RC3H2: variants seen among roughly 807,000 people sequenced by gnomAD.
RC3H2 encodes the protein roquin-2.
A neutral mutation model predicts 133.3 loss-of-function variants in RC3H2; 31 were observed. That is an observed-to-expected ratio of 0.23 (90% CI 0.17 to 0.31). The LOEUF (loss-of-function observed/expected upper bound fraction) is 0.31, where lower values mean the gene tolerates loss of function less well. RC3H2 is among the 10% of genes least tolerant of loss of function. RC3H2 has a pLI of 1.00. For missense variants in RC3H2, 1,175 were observed against 1,437.2 expected (o/e 0.82, Z 2.95); for synonymous variants, 517 against 502.2 (o/e 1.03, Z -0.40).
At chr9:122,890,736 A>G (rs369501993) in intron 3 of RC3H2, among the ~76,000 whole-genome samples, 191 bp from the exon 4 acceptor site, 2 of 152,270 alleles carry the variant, frequency 1.3e-5, no homozygotes, top group African/African-American at 4.8e-5. Context: ...ATTTTTAGCT[A>G]CTTTAGCAGT....
chr9:122,853,378 T>TTAA (rs761241636), intron 18 of RC3H2, among the ~76,000 whole-genome samples: 4 of 83,712 alleles, frequency 4.8e-5, no homozygotes, highest in Non-Finnish European at 8.5e-5. Flanking sequence ...GAATGATCAA[T>TTAA]AAAAAAAAAA....
At chr9:122,885,760 A>T (rs1209317409) in intron 4 of RC3H2, among the ~76,000 whole-genome samples, 21 of 152,206 alleles carry the variant, frequency 1.4e-4, no homozygotes. Flanking sequence ...AGACATTTTC[A>T]TCACCCCAAA....
At chr9:122,889,457 T>C (rs1359141229) in intron 4 of RC3H2, among the ~76,000 whole-genome samples, 1 of 152,196 alleles carries the variant, frequency 6.6e-6, no homozygotes, top group Non-Finnish European at 1.5e-5. Context: ...ACATCACTTA[T>C]TAAAAGTTTC....
chr9:122,856,823 A>G (rs916465531), intron 13 of RC3H2, among the ~76,000 whole-genome samples: 1 of 152,256 alleles, frequency 6.6e-6, no homozygotes, highest in Non-Finnish European at 1.5e-5. Flanking sequence ...CGAACTCAGC[A>G]GATCGGAGTC....
At chr9:122,856,577 A>G (rs1336637136) in intron 13 of RC3H2, among the ~76,000 whole-genome samples, 1 of 152,230 alleles carries the variant, frequency 6.6e-6, no homozygotes, top group Non-Finnish European at 1.5e-5. Flanking sequence ...TTCTTGAGAA[A>G]AAGAACATGT....
rs1210233106 is a variant in RC3H2, at chr9:122,845,466, A to T, written c.*4161T>A. On this transcript the variant is annotated 3_prime_UTR_variant, in exon 21 of 21. Coordinates refer to ENST00000357244, the MANE Select transcript of RC3H2 (RefSeq NM_001100588.3). The stretch of plus-strand genomic sequence containing the variant: ...CAGGTTGATGGAATATGTGCAAATG[A>T]CCTTGGCTTTTGGCAGTACTAAGTG... 2.0e-5 allele frequency: 3 copies of T among 152,118 alleles called. No individual in the cohort carries two copies. The highest frequency in any genetic ancestry group is 2.9e-5 in the Non-Finnish European group (2 of 68,032). 9.4% of individuals were successfully genotyped at this position (152,118 alleles called of 1,614,324 possible). A position where few individuals can be genotyped will look rare whatever the true frequency, so the allele number is the denominator to read the frequency against.
chr9:122,875,034 T>A, intron 9 of RC3H2: 1 of 911,026 alleles, frequency 1.1e-6, no homozygotes, highest in Non-Finnish European at 1.5e-6. Flanking sequence ...AAAGCTCCCC[T>A]TTTAGCTAAA....
chr9:122,853,397 AG>A (rs1221476943), intron 18 of RC3H2, among the ~76,000 whole-genome samples: 15 of 151,010 alleles, frequency 9.9e-5, no homozygotes, highest in Non-Finnish European at 4.4e-5. Flanking sequence ...AAAAAAAAAA[AG>A]AAAAATACTG....
chr9:122,881,709 G>A (rs923067974), intron 5 of RC3H2, among the ~76,000 whole-genome samples: 4 of 152,134 alleles, frequency 2.6e-5, no homozygotes, highest in Non-Finnish European at 4.4e-5. Context: ...ACCCAGGCTG[G>A]AGTGCAGTGG....
At chr9:122,901,839 T>G (rs1832662789) in intron 1 of RC3H2, among the ~76,000 whole-genome samples, 1 of 152,022 alleles carries the variant, frequency 6.6e-6, no homozygotes, top group African/African-American at 2.4e-5. Context: ...TCTGCCCACC[T>G]TGGCCTCCCA....
chr9:122,866,249 T>C (rs2131409963), intron 9 of RC3H2, among the ~76,000 whole-genome samples: 1 of 152,344 alleles, frequency 6.6e-6, no homozygotes, highest in Middle Eastern at 3.4e-3. Context: ...ATGAAAGATT[T>C]TTCTGATACT....
In RC3H2 at chr9:122,886,183, C is replaced by T. The variant is rs141695567; in HGVS notation, c.584-2804G>A. Among the ~76,000 whole-genome samples the T allele has an allele frequency of 5.8e-3, 887 of 152,300 alleles. 4 individuals are homozygous for T. The highest frequency in any genetic ancestry group is 0.011 in the Non-Finnish European group (725 of 68,028). On this transcript the variant is annotated intron_variant, in intron 4 of 20. Coordinates refer to ENST00000357244, the MANE Select transcript of RC3H2 (RefSeq NM_001100588.3). ...GGGATTACAGGTGTGAGCCACCGTGCCCAACCTAACGTAGTTTTTTTGAAG... is the reference window on the plus strand; with the variant it reads ...GGGATTACAGGTGTGAGCCACCGTGTCCAACCTAACGTAGTTTTTTTGAAG...
At chr9:122,864,180 G>A (rs976207390) in intron 10 of RC3H2, among the ~76,000 whole-genome samples, 4 of 152,198 alleles carry the variant, frequency 2.6e-5, no homozygotes, top group Admixed American at 2.6e-4. Flanking sequence ...GATACTGATA[G>A]ACTATTTATA....
intron 13 of RC3H2, 138 bp downstream of exon 13, chr9:122,857,783 TCA>T (rs1830301533): frequency 1.5e-6 from 1 of 657,428 alleles, no homozygotes; most frequent in Non-Finnish European, 2.6e-6. Flanking sequence ...GCATTTATAT[TCA>T]GTGTTTATTG....
chr9:122,855,035 A>T (rs1174239075), intron 15 of RC3H2, 149 bp downstream of exon 15: 1 of 641,780 alleles, frequency 1.6e-6, no homozygotes, highest in Non-Finnish European at 2.7e-6. Flanking sequence ...GAATCGCTTG[A>T]ACCCAGGATG....
At position 122,844,712 on chromosome 9, in the gene RC3H2, A is replaced by C. The variant is rs557460301; in HGVS notation, c.*4915T>G. 2 of 152,304 alleles carry C rather than the reference A, an allele frequency of 1.3e-5. No homozygotes were observed. Among genetic ancestry groups the C allele is most frequent in the South Asian group, 4.1e-4 (2 of 4,824 alleles). 9.4% of individuals were successfully genotyped at this position (152,304 alleles called of 1,614,324 possible). A position where few individuals can be genotyped will look rare whatever the true frequency, so the allele number is the denominator to read the frequency against. On this transcript the variant is annotated 3_prime_UTR_variant, in exon 21 of 21. Transcript: ENST00000357244. Reference sequence around the variant, plus strand: ...CTCTTCACTTCAGTGCTACAGCAAAAACACACAGAATTCACTCTTTGCTAT... The same window carrying C: ...CTCTTCACTTCAGTGCTACAGCAAACACACACAGAATTCACTCTTTGCTAT...
intron 8 of RC3H2, 80 bp from the exon 9 acceptor site, chr9:122,877,663 A>G (rs1831400123): frequency 1.0e-6 from 1 of 984,314 alleles, no homozygotes. Flanking sequence ...TCAGAACTTT[A>G]TAATTACACC....
intron 1 of RC3H2, among the ~76,000 whole-genome samples, chr9:122,904,309 G>A (rs1271736529): frequency 6.6e-6 from 1 of 152,176 alleles, no homozygotes; most frequent in Non-Finnish European, 1.5e-5. Flanking sequence ...AGTCAATTTT[G>A]GTGTGAAGGA....
chr9:122,855,671 A>G, intron 14 of RC3H2, 61 bp downstream of exon 14: 4 of 1,535,334 alleles, frequency 2.6e-6, no homozygotes, highest in Non-Finnish European at 3.5e-6. Flanking sequence ...TTCATTCTAC[A>G]ACATGAGTGA....
Sources: gnomAD v4.1 joint callset for allele counts (sites outside exome capture counted in the v4.1 genomes callset) on GRCh38, gnomAD v4.1.1 for gene constraint, MANE v1.5 for transcripts, NCBI Gene and HGNC (gene_info 2026-07-23, HGNC 2026-07-21) for gene names.